The following FGFR3 variants were observed in gnomAD, a reference collection of about 807,000 sequenced individuals.
FGFR3 encodes FGFR-3.
A neutral mutation model predicts 82.9 loss-of-function variants in FGFR3; 25 were observed. The observed-to-expected ratio is 0.30, with a 90% CI of 0.22 to 0.42. FGFR3 has a LOEUF of 0.42. Ranked by LOEUF, FGFR3 falls within the 10% of genes least tolerant of loss-of-function variation. FGFR3 has a pLI of 1.00. For missense variants in FGFR3, 1,026 were observed against 1,161.0 expected (o/e 0.88, Z 1.69); for synonymous variants, 620 against 516.0 (o/e 1.20, Z -2.73).
intron 2 of FGFR3, among the ~76,000 whole-genome samples, chr4:1,796,890 G>A (rs1042439009): frequency 1.3e-4 from 20 of 152,284 alleles, no homozygotes; most frequent in Admixed American, 3.3e-4. Flanking sequence ...CCACAGTGGG[G>A]GAAACTGAGG....
chr4:1,805,834 ACTC>A lies in FGFR3; in HGVS notation c.1733_1735del (p.Ser578del), dbSNP rs1247362322. 1.2e-6 allele frequency: 2 copies of A among 1,612,176 alleles called. No individual in the cohort carries two copies. Among genetic ancestry groups the A allele is most frequent in the Non-Finnish European group, 1.7e-6 (2 of 1,179,776 alleles). On this transcript the variant is annotated inframe_deletion, in exon 13 of 18. Transcript: ENST00000440486. ...GCGCGGCGGCCCCCGGGCCTGGACTACTCCTTCGACACCTGCAAGCCGCCCGAG... is the reference window on the plus strand; with the variant it reads ...GCGCGGCGGCCCCCGGGCCTGGACTACTTCGACACCTGCAAGCCGCCCGAG...
In FGFR3 at chr4:1,807,957, C is replaced by T. The variant is rs964482228; in HGVS notation, c.*695C>T. ...AAAAGGCTGGTACAACGGAGGCCTG[C>T]GACCCTGGGGGCACAGGAGGCAGGC... On this transcript the variant is annotated 3_prime_UTR_variant, in exon 18 of 18. Coordinates refer to ENST00000440486, the MANE Select transcript of FGFR3 (RefSeq NM_000142.5). 34 of 249,942 alleles carry T rather than the reference C, an allele frequency of 1.4e-4. No individual in the cohort carries two copies. The highest frequency in any genetic ancestry group is 6.6e-4 in the African/African-American group (30 of 45,344). 15.5% of individuals were successfully genotyped at this position (249,942 alleles called of 1,614,324 possible). A position where few individuals can be genotyped will look rare whatever the true frequency, so the allele number is the denominator to read the frequency against.
rs1220505525 is a variant in FGFR3, at chr4:1,806,918, C to A, written c.2258C>A (p.Thr753Asn). ...GTGGAGGACCTGGACCGTGTCCTTA[C>A]CGTGACGTCCACCGACGTGAGTGCT... ...QLVEDLDRVL[T>N]VTSTDEYLDL... The change falls in exon 17 of 18, where the codon ACC becomes AAC. Residue 753 changes from threonine to asparagine, a missense_variant. By Grantham distance (65) the Thr-to-Asn change is moderately conservative. Around this residue, in one of 9 missense-constraint regions of FGFR3, gnomAD observed 155 missense variants for 150.2 expected, o/e 1.03. Transcript: ENST00000440486. The A allele has an allele frequency of 2.5e-6, 4 of 1,609,388 alleles. No individual in the cohort carries two copies. The highest frequency in any genetic ancestry group is 1.1e-5 in the South Asian group (1 of 90,446).
At chr4:1,795,109 C>T (rs950479848) in intron 2 of FGFR3, among the ~76,000 whole-genome samples, 1 of 151,806 alleles carries the variant, frequency 6.6e-6, no homozygotes, top group African/African-American at 2.4e-5. Flanking sequence ...CCTCCCGGAA[C>T]AATGTCATTT....
intron 3 of FGFR3, 56 bp from the exon 4 acceptor site, chr4:1,799,691 C>G (rs1720961122): frequency 1.2e-6 from 2 of 1,603,912 alleles, no homozygotes; most frequent in Non-Finnish European, 1.7e-6. Flanking sequence ...GGGAGGGGCA[C>G]CTGGGGGCCT....
Position 1,805,680 on chromosome 4 carries a change from TAGC to T in FGFR3, c.1645+12_1645+14del, listed in dbSNP as rs762694579. 4 of 1,611,846 alleles carry T rather than the reference TAGC, an allele frequency of 2.5e-6. No homozygotes were observed. The highest frequency in any genetic ancestry group is 4.5e-5 in the East Asian group (2 of 44,844). ...CCTGCACGCAGGGCGGTAGGTGCGG[TAGC>T]GGCGGTGGTGCCGGCTGGGCGGCCC... On this transcript the variant is annotated intron_variant, in intron 12 of 17. Coordinates refer to ENST00000440486, the MANE Select transcript of FGFR3 (RefSeq NM_000142.5).
intron 2 of FGFR3, among the ~76,000 whole-genome samples, chr4:1,798,509 G>A (rs1203773065): frequency 6.6e-6 from 1 of 151,132 alleles, no homozygotes. Context: ...GCAGGATACA[G>A]AACCTTGCCC....
In FGFR3 at chr4:1,806,645, C is replaced by G. The variant is rs1218766242; in HGVS notation, c.2130C>G (p.Gly710=). ...AGCTCTTCAAGCTGCTGAAGGAGGG[C>G]CACCGCATGGACAAGCCCGCCAACT... ...VEELFKLLKE[G]HRMDKPANCT... The change falls in exon 16 of 18, where the codon GGC becomes GGG. Residue 710 remains glycine (G), a synonymous_variant. Transcript: ENST00000440486. 6.2e-7 allele frequency: 1 copy of G among 1,612,926 alleles called. No homozygotes were observed. Among genetic ancestry groups the G allele is most frequent in the Non-Finnish European group, 8.5e-7 (1 of 1,179,946 alleles).
At chr4:1,806,441 C>T (rs1433494411) in intron 15 of FGFR3, 105 bp from the exon 16 acceptor site, 18 of 1,605,844 alleles carry the variant, frequency 1.1e-5, no homozygotes, top group Non-Finnish European at 1.4e-5. Context: ...GTGGTTTCTA[C>T]CCCTCCCTGG....
chr4:1,803,978 A>T (rs1186808466), intron 8 of FGFR3, 142 bp downstream of exon 8: 2 of 1,058,738 alleles, frequency 1.9e-6, no homozygotes, highest in Non-Finnish European at 2.9e-6. Flanking sequence ...CCCTGTGCCC[A>T]GTGTGGGGAC....
intron 10 of FGFR3, 27 bp from the exon 11 acceptor site, chr4:1,805,328 T>G: frequency 6.2e-7 from 1 of 1,609,216 alleles, no homozygotes; most frequent in Non-Finnish European, 8.5e-7. Flanking sequence ...GTTTGCACAC[T>G]CATGGTCCCT....
At chr4:1,803,159 C>T in intron 7 of FGFR3, 1 of 1,342,786 alleles carries the variant, frequency 7.4e-7, no homozygotes, top group Middle Eastern at 2.5e-4. Context: ...GCCCTGCTCG[C>T]TCCCGCCCCG....
In FGFR3 at chr4:1,797,972, G is replaced by A. The variant is rs1164810351; in HGVS notation, c.110-1282G>A. On this transcript the variant is annotated intron_variant, in intron 2 of 17. Transcript: ENST00000440486. ...CGTCTGCAGAATGACAAGTGATGGC[G>A]CAACCCGCCCAGCTGGGTCTGAAGA... 3.9e-5 allele frequency among the ~76,000 whole-genome samples: 6 copies of A among 152,246 alleles called. No individual in the cohort carries two copies. In the South Asian group the frequency reaches 8.3e-4, roughly 21 times the overall value.
At chr4:1,794,737 G>T (rs1720267699) in intron 2 of FGFR3, among the ~76,000 whole-genome samples, 2 of 152,012 alleles carry the variant, frequency 1.3e-5, no homozygotes, top group South Asian at 4.1e-4. Context: ...GGGGCGCCCG[G>T]CCGGACCTGC....
chr4:1,796,247 C>T (rs1411349069), intron 2 of FGFR3, among the ~76,000 whole-genome samples: 3 of 152,114 alleles, frequency 2.0e-5, no homozygotes, highest in Admixed American at 2.0e-4. Flanking sequence ...CCTTACCTGT[C>T]CAAGAGAACC....
chr4:1,803,059 G>A (rs542612709), intron 7 of FGFR3: 59 of 1,594,994 alleles, frequency 3.7e-5, no homozygotes, highest in East Asian at 2.1e-4. Flanking sequence ...CACGGGCCCC[G>A]AGCAGGTAAC....
rs1007560940 is a variant in FGFR3 at position 1,801,416 on chromosome 4, C to T, written c.495C>T (p.Ala165=). Residue 165 remains alanine, a synonymous_variant, in exon 5 of 18, where the codon GCC becomes GCT. Transcript: ENST00000440486. ...AGCGGATGGACAAGAAGCTGCTGGCCGTGCCGGCCGCCAACACCGTCCGCT... is the reference window on the plus strand; with the variant it reads ...AGCGGATGGACAAGAAGCTGCTGGCTGTGCCGGCCGCCAACACCGTCCGCT... ...RPERMDKKLL[A]VPAANTVRFR... is the part of the protein sequence containing the mutation. 37 of 1,552,518 alleles carry T rather than the reference C, an allele frequency of 2.4e-5. No homozygotes were observed. Among genetic ancestry groups the T allele is most frequent in the Non-Finnish European group, 2.6e-5 (30 of 1,149,062 alleles).
intron 7 of FGFR3, 34 bp from the exon 8 acceptor site, chr4:1,803,658 G>A (rs1440964872): frequency 4.4e-6 from 7 of 1,608,286 alleles, no homozygotes; most frequent in Non-Finnish European, 5.9e-6. Flanking sequence ...GGGCGGTGCT[G>A]GCGCTCGCCT....
intron 9 of FGFR3, 58 bp from the exon 10 acceptor site, chr4:1,804,766 T>A (rs1721662861): frequency 6.5e-7 from 1 of 1,546,870 alleles, no homozygotes; most frequent in East Asian, 2.4e-5. Context: ...GACCCCCGGC[T>A]GTACCTCCAC....
Sources: allele counts gnomAD v4.1 joint callset (sites outside exome capture counted in the v4.1 genomes callset), GRCh38; gene constraint gnomAD v4.1.1; regional missense constraint gnomAD v4.1.1; transcripts MANE v1.5; gene names NCBI Gene and HGNC (gene_info 2026-07-23, HGNC 2026-07-21).